Variants in PLCG2 observed in about 807,000 individuals in gnomAD.
PLCG2 encodes the protein 1-phosphatidylinositol 4,5-bisphosphate phosphodiesterase gamma-2.
PLCG2 carries 69 observed loss-of-function variants against 175.6 expected under a neutral mutation model. That is an observed-to-expected ratio of 0.39 (90% CI 0.32 to 0.48). The LOEUF (loss-of-function observed/expected upper bound fraction) is 0.48, where lower values mean the gene tolerates loss of function less well. Among genes scored for constraint, PLCG2 ranks in the 20% least tolerant of loss-of-function variants. The pLI is 0.91. For synonymous variants in PLCG2, 827 were observed against 624.0 expected (o/e 1.33, Z -4.85); for missense variants, 1,798 against 1,650.9 (o/e 1.09, Z -1.54).
rs757508918 is a variant in PLCG2, at chr16:81,910,716, A to C, written c.1930A>C (p.Lys644Gln). The C allele has an allele frequency of 6.2e-6, 10 of 1,607,738 alleles. No individual in the cohort carries two copies. Among genetic ancestry groups the C allele is most frequent in the Middle Eastern group, 3.3e-4 (2 of 6,062 alleles). The change falls in exon 18 of 33, where the codon AAG (lysine) becomes CAG (glutamine). Residue 644 changes from lysine to glutamine, a missense_variant. By Grantham distance (53) the Lys-to-Gln change is moderately conservative (BLOSUM62 1). Transcript: ENST00000564138. The stretch of plus-strand genomic sequence containing the variant: ...GCCCAACCCCAACCCCCACGAGTCC[A>C]AGCCGTACGTGTCTGAGGGTGGAGC... ...PVPNPNPHES[K>Q]PWYYDSLSRG... is the part of the protein sequence containing the mutation.
chr16:81,837,345 G>C (rs750192681), intron 2 of PLCG2, among the ~76,000 whole-genome samples: 2 of 152,204 alleles, frequency 1.3e-5, no homozygotes, highest in Non-Finnish European at 2.9e-5. Flanking sequence ...ATAGCTGTGT[G>C]ACCTTTGCCT....
At chr16:81,829,169 C>T (rs891486467) in intron 2 of PLCG2, among the ~76,000 whole-genome samples, 4 of 152,096 alleles carry the variant, frequency 2.6e-5, no homozygotes, top group African/African-American at 9.7e-5. Flanking sequence ...AGTGCAGTGG[C>T]ACGATCTCGG....
At chr16:81,957,221 C>T (rs1319880195) in intron 32 of PLCG2, among the ~76,000 whole-genome samples, 1 of 152,120 alleles carries the variant, frequency 6.6e-6, no homozygotes, top group African/African-American at 2.4e-5. Context: ...ATCATTTCAA[C>T]CTGGGAGGCA....
chr16:81,812,145 G>A (rs1170087353), intron 2 of PLCG2, among the ~76,000 whole-genome samples: 1 of 149,934 alleles, frequency 6.7e-6, no homozygotes, highest in Non-Finnish European at 1.5e-5. Flanking sequence ...CGCCTCCTGG[G>A]TTCACGCCAT....
intron 3 of PLCG2, among the ~76,000 whole-genome samples, chr16:81,856,057 C>G (rs1425575951): frequency 1.3e-5 from 2 of 152,284 alleles, no homozygotes; most frequent in Admixed American, 1.3e-4. Flanking sequence ...TGATATATAT[C>G]CCACTCTTGG....
chr16:81,741,267 T>C (rs910111724), intron 1 of PLCG2, among the ~76,000 whole-genome samples: 1 of 152,204 alleles, frequency 6.6e-6, no homozygotes, highest in Admixed American at 6.5e-5. Context: ...GAGGTTATTT[T>C]AGTTGTATTT....
chr16:81,822,465 A>G (rs1455008390), intron 2 of PLCG2, among the ~76,000 whole-genome samples: 1 of 152,110 alleles, frequency 6.6e-6, no homozygotes, highest in Non-Finnish European at 1.5e-5. Flanking sequence ...TCCTTTTAAG[A>G]AAAAGGCGGG....
chr16:81,902,438 C>G (rs1396427101), intron 14 of PLCG2, among the ~76,000 whole-genome samples: 1 of 152,184 alleles, frequency 6.6e-6, no homozygotes, highest in Non-Finnish European at 1.5e-5. Flanking sequence ...GTTGTGTCCT[C>G]ACATGGTGGA....
rs546809139 is a variant in PLCG2, at chr16:81,901,687, G to C, written c.1362+907G>C. On this transcript the variant is annotated intron_variant, in intron 14 of 32. Transcript: ENST00000564138. Reference sequence around the variant, plus strand: ...AAGCCACTTGCGGGCTCTGTCACCAGCAGAAGTCATGAGTGTTTTCATATC... The same window carrying C: ...AAGCCACTTGCGGGCTCTGTCACCACCAGAAGTCATGAGTGTTTTCATATC... 7.2e-5 allele frequency among the ~76,000 whole-genome samples: 11 copies of C among 152,334 alleles called. No individual in the cohort carries two copies. The South Asian group carries it at 2.3e-3, about 32-fold the overall frequency.
chr16:81,887,786 G>C (rs1908443790), intron 9 of PLCG2, among the ~76,000 whole-genome samples: 1 of 152,206 alleles, frequency 6.6e-6, no homozygotes, highest in African/African-American at 2.4e-5. Flanking sequence ...GAATTTACAT[G>C]TCATATTTCA....
intron 2 of PLCG2, among the ~76,000 whole-genome samples, chr16:81,826,318 C>T (rs1042215797): frequency 2.6e-5 from 4 of 152,162 alleles, no homozygotes; most frequent in African/African-American, 7.2e-5. Flanking sequence ...GATGGGGGAA[C>T]CGAGAAAAGC....
At chr16:81,866,422 A>G (rs60681758) in intron 5 of PLCG2, among the ~76,000 whole-genome samples, 2,737 of 34,392 alleles carry the variant, frequency 0.08, 123 homozygotes, top group South Asian at 0.12. Flanking sequence ...TCCCAGGATG[A>G]GCTCCACTGG....
chr16:81,897,548 CTTTTTT>C (rs10710027), intron 13 of PLCG2, among the ~76,000 whole-genome samples: 1 of 128,678 alleles, frequency 7.8e-6, no homozygotes, highest in African/African-American at 3.0e-5. Context: ...CTTTTCTTTT[CTTTTTT>C]TTTTTTTTTG....
At chr16:81,744,841 C>G (rs1226600866) in intron 1 of PLCG2, among the ~76,000 whole-genome samples, 1 of 152,100 alleles carries the variant, frequency 6.6e-6, no homozygotes, top group Non-Finnish European at 1.5e-5. Context: ...GCTGGGATTA[C>G]AGACATGAGC....
rs1909326313 is a variant in PLCG2, at chr16:81,905,462, A to G, written c.1422A>G (p.Glu474=). The G allele has an allele frequency of 6.2e-7, 1 of 1,614,038 alleles. No homozygotes were observed. Among genetic ancestry groups the G allele is most frequent in the Admixed American group, 1.7e-5 (1 of 59,998 alleles). The part of the protein sequence containing the change: ...VDVNMEDKKD[E]HKQQGELYMW... ...TCAACATGGAGGACAAGAAGGACGAACACAAGCAACAGGGGGAGCTGTACA... is the reference window on the plus strand; with the variant it reads ...TCAACATGGAGGACAAGAAGGACGAGCACAAGCAACAGGGGGAGCTGTACA... Residue 474 remains glutamate, a synonymous_variant, in exon 15 of 33, where the codon GAA becomes GAG. Transcript: ENST00000564138.
rs1911653198 is a variant in PLCG2, at chr16:81,958,213, T to C, written c.*215T>C. On this transcript the variant is annotated 3_prime_UTR_variant, in exon 33 of 33. Transcript: ENST00000564138. ...CAACTTTCTTAACTTATATTCTTTA[T>C]AGAGGATTCCCCAAAATGTGCTCCT... The C allele has an allele frequency of 1.8e-6, 1 of 561,886 alleles. No individual in the cohort carries two copies. 34.8% of individuals were successfully genotyped at this position (561,886 alleles called of 1,614,324 possible). A position where few individuals can be genotyped will look rare whatever the true frequency, so the allele number is the denominator to read the frequency against.
chr16:81,802,632 C>A (rs542432066), intron 2 of PLCG2, among the ~76,000 whole-genome samples: 1 of 151,878 alleles, frequency 6.6e-6, no homozygotes, highest in Non-Finnish European at 1.5e-5. Context: ...AGTGCAGTGG[C>A]GCAATCTCAG....
chr16:81,783,969 A>C (rs984271019), intron 1 of PLCG2, among the ~76,000 whole-genome samples: 1 of 152,136 alleles, frequency 6.6e-6, no homozygotes, highest in African/African-American at 2.4e-5. Context: ...GAGCCCTTTA[A>C]GTGCCTAGCC....
chr16:81,954,394 T>C (rs1276644057), intron 31 of PLCG2, among the ~76,000 whole-genome samples: 2 of 152,238 alleles, frequency 1.3e-5, no homozygotes, highest in Non-Finnish European at 2.9e-5. Flanking sequence ...AGTTCCAGGA[T>C]ACAAGTGCAG....
Sources: gnomAD v4.1 joint callset for allele counts (sites outside exome capture counted in the v4.1 genomes callset) on GRCh38, gnomAD v4.1.1 for gene constraint, MANE v1.5 for transcripts, NCBI Gene and HGNC (gene_info 2026-07-23, HGNC 2026-07-21) for gene names.